The following CDC25B variants were observed in gnomAD, a reference collection of about 807,000 sequenced individuals.
CDC25B encodes the protein cell division cycle 25B.
In CDC25B, 33 loss-of-function variants were observed where a neutral mutation model predicts 69.8. The ratio of observed to expected loss-of-function variants is 0.47; its 90% CI spans 0.36 to 0.63. CDC25B has a LOEUF of 0.63. Among genes scored for constraint, CDC25B ranks in the 30% least tolerant of loss-of-function variants. CDC25B has a pLI of 0.00. For missense variants in CDC25B, 727 were observed against 809.1 expected, an observed-to-expected ratio of 0.90 and a Z score of 1.23; for synonymous variants, 341 against 314.6, an observed-to-expected ratio of 1.08 and a Z score of -0.89.
chr20:3,797,844 A>C, intron 2 of CDC25B, 95 bp downstream of exon 2: 15 of 1,456,278 alleles, frequency 1.0e-5, no homozygotes, highest in Non-Finnish European at 1.2e-5. Flanking sequence ...TCAAACTAAC[A>C]TCCTCCCCAC....
chr20:3,799,402 G>A (rs1258340052), intron 3 of CDC25B, among the ~76,000 whole-genome samples: 1 of 152,204 alleles, frequency 6.6e-6, no homozygotes, highest in African/African-American at 2.4e-5. Flanking sequence ...AGCCCCCCGG[G>A]GGGGCATCCC....
At chr20:3,791,663 C>T (rs78752648), upstream of CDC25B, among the ~76,000 whole-genome samples, 705 of 152,182 alleles carry the variant, frequency 4.6e-3, 6 homozygotes, top group African/African-American at 0.016. Context: ...GCCTGGGTGA[C>T]GGAGAGACTT....
exon 1 of CDC25B, chr20:3,787,028 TTG>T (rs373161196): frequency 0.055 from 34,158 of 616,464 alleles, 1,231 homozygotes; most frequent in Non-Finnish European, 0.071. Flanking sequence ...GGGTTTTTGT[TTG>T]TTTTTTTTTT....
At chr20:3,796,774 G>T in intron 1 of CDC25B, 43 bp downstream of exon 1, 1 of 1,526,010 alleles carries the variant, frequency 6.6e-7, no homozygotes. Flanking sequence ...TGAGAGGCTA[G>T]GTCTGGAGTC....
chr20:3,790,575 A>G (rs1265702483), intron 1 of CDC25B, among the ~76,000 whole-genome samples: 13 of 151,002 alleles, frequency 8.6e-5, no homozygotes, highest in Admixed American at 8.6e-4. Flanking sequence ...TAATCCCAGC[A>G]TTTTGGGAGG....
intron 1 of CDC25B, among the ~76,000 whole-genome samples, chr20:3,788,283 T>C (rs1246077924): frequency 6.6e-6 from 1 of 152,238 alleles, no homozygotes; most frequent in Admixed American, 6.5e-5. Context: ...TGCAAATTTC[T>C]GTTTTCGTAT....
In CDC25B at chr20:3,802,893, C is replaced by T. The variant is rs1301072978; in HGVS notation, c.1195-17C>T. On this transcript the variant is annotated splice_polypyrimidine_tract_variant and intron_variant, in intron 11 of 15. Transcript: ENST00000245960. ...TTAACTTTCTCCCCTCTCCCTCATC[C>T]CTTCCGTTCCCTTCAGGCCTTCCTC... The T allele has an allele frequency of 3.7e-6, 6 of 1,607,180 alleles. No homozygotes were observed. Among genetic ancestry groups the T allele is most frequent in the Non-Finnish European group, 4.3e-6 (5 of 1,173,782 alleles).
chr20:3,801,527 C>T (rs1231533910), intron 8 of CDC25B, 139 bp downstream of exon 8: 2 of 1,213,536 alleles, frequency 1.6e-6, no homozygotes, highest in Non-Finnish European at 2.3e-6. Flanking sequence ...GAGTCACAGC[C>T]TAACCTCTGG....
intron 3 of CDC25B, among the ~76,000 whole-genome samples, chr20:3,799,399 C>T (rs551931073): frequency 3.3e-5 from 5 of 152,162 alleles, no homozygotes; most frequent in African/African-American, 7.2e-5. Flanking sequence ...AGCAGCCCCC[C>T]GGGGGGGCAT....
At position 3,803,494 on chromosome 20, in the gene CDC25B, C is replaced by T; in HGVS notation, c.1447C>T (p.Leu483Phe). Residue 483 changes from leucine (L) to phenylalanine (F), a missense_variant, in exon 14 of 16, where the codon CTC becomes TTC. Transcript: ENST00000245960. The surrounding 1 kb of genome is among the most constrained non-coding windows in gnomAD (Gnocchi z 4.9). ...CTGTAGCCTGGACAAGAGAGTCATC[C>T]TCATTTTCCACTGTGAATTCTCATC... is the stretch of plus-strand genomic sequence containing the variant. Reference protein sequence around the residue: ...APCSLDKRVILIFHCEFSSER... With the variant: ...APCSLDKRVIFIFHCEFSSER... 1 of 1,614,116 alleles carries T rather than the reference C, an allele frequency of 6.2e-7. No individual in the cohort carries two copies. Among genetic ancestry groups the T allele is most frequent in the Non-Finnish European group, 8.5e-7 (1 of 1,180,002 alleles).
chr20:3,789,817 G>A (rs974025414), intron 1 of CDC25B, among the ~76,000 whole-genome samples: 15 of 152,062 alleles, frequency 9.9e-5, no homozygotes, highest in Middle Eastern at 3.2e-3. Flanking sequence ...GTGGAACCCC[G>A]TCTCTATTAA....
At position 3,797,681 on chromosome 20, in the gene CDC25B, A is replaced by G. The variant is rs375803588; in HGVS notation, c.260A>G (p.His87Arg). ...TTCCGCAGCCGCAGCCGCCTGACGC[A>G]CCTATCCCTGTCTCGACGGGCATCC... ...LLFRSRSRLT[H>R]LSLSRRASES... The change falls in exon 2 of 16, where the codon CAC becomes CGC. Residue 87 changes from histidine to arginine, a missense_variant. By Grantham distance (29) the His-to-Arg change is conservative (BLOSUM62 0). This residue lies in a region of CDC25B where 368 missense variants were observed against 345.6 expected (regional missense o/e 1.06). Coordinates refer to ENST00000245960, the MANE Select transcript of CDC25B (RefSeq NM_021873.4). 1.2e-5 allele frequency: 19 copies of G among 1,613,896 alleles called. No individual in the cohort carries two copies. Among genetic ancestry groups the G allele is most frequent in the Non-Finnish European group, 1.4e-5 (17 of 1,180,022 alleles).
At chr20:3,787,113 T>C in exon 1 of CDC25B, 1 of 652,564 alleles carries the variant, frequency 1.5e-6, no homozygotes. Flanking sequence ...GAAAAACGCT[T>C]TTCACGTCAC....
At position 3,805,757 on chromosome 20, in the gene CDC25B, C is replaced by A. The variant is rs774401224; in HGVS notation, c.*796C>A. The stretch of plus-strand genomic sequence containing the variant: ...GCCCCTACTGCTGTGAACCCTGGGG[C>A]CTGACTGCTCAGAACTTGCTGCTGT... On this transcript the variant is annotated 3_prime_UTR_variant, in exon 16 of 16. Transcript: ENST00000245960. 7 of 404,396 alleles carry A rather than the reference C, an allele frequency of 1.7e-5. No individual in the cohort carries two copies. The highest frequency in any genetic ancestry group is 1.1e-4 in the South Asian group (1 of 8,984). 25.1% of individuals were successfully genotyped at this position (404,396 alleles called of 1,614,324 possible). A position where few individuals can be genotyped will look rare whatever the true frequency, so the allele number is the denominator to read the frequency against.
rs2089444139 is a variant in CDC25B at position 3,805,431 on chromosome 20, A to G, written c.*470A>G. ...GGCCAGGGCTGCCCCTAATCTCTGT[A>G]GGAACCGTGGTATGTCTGCCATGTT... On this transcript the variant is annotated 3_prime_UTR_variant, in exon 16 of 16. Transcript: ENST00000245960. 2 of 240,818 alleles carry G rather than the reference A, an allele frequency of 8.3e-6. No homozygotes were observed. Among genetic ancestry groups the G allele is most frequent in the Non-Finnish European group, 8.0e-6 (1 of 125,008 alleles). 14.9% of individuals were successfully genotyped at this position (240,818 alleles called of 1,614,324 possible). A position where few individuals can be genotyped will look rare whatever the true frequency, so the allele number is the denominator to read the frequency against.
chr20:3,800,894 C>T (rs1367579973), intron 6 of CDC25B, 29 bp downstream of exon 6: 1 of 1,613,004 alleles, frequency 6.2e-7, no homozygotes, highest in Non-Finnish European at 8.5e-7. Flanking sequence ...GGGGTGGGAG[C>T]TCTCCGGGAA....
intron 3 of CDC25B, 90 bp from the exon 4 acceptor site, chr20:3,800,198 C>T (rs2089222730): frequency 9.1e-6 from 5 of 551,102 alleles, no homozygotes; most frequent in Non-Finnish European, 1.3e-5. Context: ...TGTCTTTGCC[C>T]TTACTCCCCC....
chr20:3,802,329 A>G lies in CDC25B; in HGVS notation c.1147A>G (p.Asn383Asp). ...SKSLCHDEIENLLDSDHRELI... is the reference protein window; with the variant it reads ...SKSLCHDEIEDLLDSDHRELI... ...ATCACTGTGTCACGATGAGATCGAG[A>G]ACCTCCTGGACAGTGACCACCGAGA... The change falls in exon 11 of 16, where the codon AAC becomes GAC. Residue 383 changes from asparagine (N) to aspartate (D), a missense_variant. Coordinates refer to ENST00000245960, the MANE Select transcript of CDC25B (RefSeq NM_021873.4). 1 of 1,530,392 alleles carries G rather than the reference A, an allele frequency of 6.5e-7. No homozygotes were observed. Among genetic ancestry groups the G allele is most frequent in the African/African-American group, 1.8e-5 (1 of 55,868 alleles). The allele number at this position is 1,530,392 out of a possible 1,614,324, so 94.8% of individuals were successfully genotyped here.
chr20:3,797,343 C>T (rs1266671140), intron 1 of CDC25B, among the ~76,000 whole-genome samples: 1 of 152,222 alleles, frequency 6.6e-6, no homozygotes, highest in Admixed American at 6.5e-5. Context: ...AACCCTTAGG[C>T]TGGCCTCCAG....
Sources: gnomAD v4.1 joint callset for allele counts (sites outside exome capture counted in the v4.1 genomes callset) on GRCh38, gnomAD v4.1.1 for gene constraint, gnomAD v4.1.1 regional missense constraint, Gnocchi (gnomAD v3.1) non-coding constraint, MANE v1.5 for transcripts, NCBI Gene and HGNC (gene_info 2026-07-23, HGNC 2026-07-21) for gene names.